CNKSR3: variants seen among roughly 807,000 people sequenced by gnomAD.
CNKSR3 encodes the protein CNKSR family member 3, also known as connector enhancer of kinase suppressor of ras 3.
In CNKSR3, 36 loss-of-function variants were observed where a neutral mutation model predicts 67.7. The ratio of observed to expected loss-of-function variants is 0.53; its 90% CI spans 0.41 to 0.70. The LOEUF is 0.70. Ranked by LOEUF, CNKSR3 falls within the 30% of genes least tolerant of loss-of-function variation. The probability of loss-of-function intolerance (pLI) is 0.00; values close to 1 mark genes in which losing one functional copy is unlikely to be tolerated. For synonymous variants in CNKSR3, 281 were observed against 271.4 expected, an observed-to-expected ratio of 1.04 and a Z score of -0.35; for missense variants, 630 against 695.2, an observed-to-expected ratio of 0.91 and a Z score of 1.05.
rs557572027 is a variant in CNKSR3, at chr6:154,453,249, T to G, written c.53-2991A>C. 8.5e-5 allele frequency among the ~76,000 whole-genome samples: 13 copies of G among 152,350 alleles called. No homozygotes were observed. The South Asian group carries it at 2.1e-3, about 24-fold the overall frequency. On this transcript the variant is annotated intron_variant, in intron 1 of 12. Coordinates refer to ENST00000607772, the MANE Select transcript of CNKSR3 (RefSeq NM_173515.4). ...TAAAGATGAGGCCAGATCATTTCTC[T>G]TTTAACGAACCGAAAAATTCACAGA...
chr6:154,438,885 G>A (rs1022836647), intron 4 of CNKSR3, among the ~76,000 whole-genome samples: 16 of 152,176 alleles, frequency 1.1e-4, no homozygotes, highest in African/African-American at 3.6e-4. Context: ...CTGGGCAGGC[G>A]CAATGAAGAC....
chr6:154,439,841 C>T (rs6910758), intron 4 of CNKSR3, among the ~76,000 whole-genome samples: 48,826 of 151,986 alleles, frequency 0.32, 9,094 homozygotes, highest in Non-Finnish European at 0.44. Flanking sequence ...CAGTGAGCCA[C>T]GATTACACCC....
intron 4 of CNKSR3, among the ~76,000 whole-genome samples, chr6:154,435,101 T>G (rs1178802529): frequency 6.6e-6 from 1 of 151,278 alleles, no homozygotes; most frequent in African/African-American, 2.4e-5. Flanking sequence ...GCTCAAGTGA[T>G]CCTCCCGCCT....
intron 1 of CNKSR3, among the ~76,000 whole-genome samples, chr6:154,477,709 T>C (rs1444744026): frequency 3.3e-5 from 5 of 152,158 alleles, no homozygotes; most frequent in Non-Finnish European, 4.4e-5. Context: ...CCAGCAAAGC[T>C]TGGGCCCACC....
At chr6:154,502,170 G>A (rs1787010948) in intron 1 of CNKSR3, among the ~76,000 whole-genome samples, 1 of 151,194 alleles carries the variant, frequency 6.6e-6, no homozygotes, top group South Asian at 2.1e-4. Context: ...CATACGTTAT[G>A]CAAAGGGCTT....
At chr6:154,454,822 G>GA (rs1057401502) in intron 1 of CNKSR3, among the ~76,000 whole-genome samples, 48 of 147,812 alleles carry the variant, frequency 3.2e-4, no homozygotes, top group Non-Finnish European at 4.2e-4. Context: ...ATACCTGGCA[G>GA]AAAAAAAAAA....
intron 1 of CNKSR3, among the ~76,000 whole-genome samples, chr6:154,490,872 G>A (rs989310055): frequency 2.6e-5 from 4 of 151,666 alleles, no homozygotes; most frequent in East Asian, 1.9e-4. Context: ...TTGAGATGGA[G>A]TTTTGCTCTT....
At position 154,390,130 on chromosome 6, in the gene CNKSR3, A is replaced by C. The variant is rs1028784165; in HGVS notation, c.*16224T>G. 3 of 152,124 alleles carry C rather than the reference A, an allele frequency of 2.0e-5. No individual in the cohort carries two copies. Among genetic ancestry groups the C allele is most frequent in the Non-Finnish European group, 4.4e-5 (3 of 68,030 alleles). 9.4% of individuals were successfully genotyped at this position (152,124 alleles called of 1,614,324 possible). A position where few individuals can be genotyped will look rare whatever the true frequency, so the allele number is the denominator to read the frequency against. On this transcript the variant is annotated 3_prime_UTR_variant, in exon 13 of 13. Transcript: ENST00000607772. Reference sequence around the variant, plus strand: ...CCCATTATCCTAACCAAGAACTAGAATATTACTCATCAGTCACAAATCTTG... The same window carrying C: ...CCCATTATCCTAACCAAGAACTAGACTATTACTCATCAGTCACAAATCTTG...
chr6:154,428,034 C>T (rs919386210), intron 7 of CNKSR3, 94 bp downstream of exon 7: 2 of 798,580 alleles, frequency 2.5e-6, no homozygotes, highest in African/African-American at 3.4e-5. Context: ...AATAATCAAA[C>T]AGCATGCACA....
chr6:154,426,515 C>A (rs1785259623), intron 7 of CNKSR3, among the ~76,000 whole-genome samples: 1 of 151,884 alleles, frequency 6.6e-6, no homozygotes, highest in South Asian at 2.1e-4. Context: ...GCCACCACGC[C>A]CAGTTAATAT....
intron 9 of CNKSR3, among the ~76,000 whole-genome samples, chr6:154,421,514 C>T (rs1486777060): frequency 6.6e-6 from 1 of 152,152 alleles, no homozygotes; most frequent in Non-Finnish European, 1.5e-5. Flanking sequence ...TTCATTCTTG[C>T]TTTATGAAAT....
Position 154,510,045 on chromosome 6 carries a change from C to G in CNKSR3, c.52+18G>C. On this transcript the variant is annotated intron_variant, in intron 1 of 12. Coordinates refer to ENST00000607772, the MANE Select transcript of CNKSR3 (RefSeq NM_173515.4). ...CCCCGAGGCTGGAGGACTCCGGACC[C>G]CCCCAAGGCCCGCGCACCTCTAGTC... 1 of 1,613,960 alleles carries G rather than the reference C, an allele frequency of 6.2e-7. No individual in the cohort carries two copies. Among genetic ancestry groups the G allele is most frequent in the Non-Finnish European group, 8.5e-7 (1 of 1,179,902 alleles).
chr6:154,463,637 A>G (rs1786131296), intron 1 of CNKSR3, among the ~76,000 whole-genome samples: 1 of 152,136 alleles, frequency 6.6e-6, no homozygotes, highest in Admixed American at 6.5e-5. Flanking sequence ...AGTTTTCACT[A>G]CACTCTAGGG....
intron 9 of CNKSR3, among the ~76,000 whole-genome samples, chr6:154,418,079 C>T (rs1327666559): frequency 1.3e-5 from 2 of 152,142 alleles, no homozygotes; most frequent in Admixed American, 6.5e-5. Context: ...GCCACTACCA[C>T]CCCCCGCTGC....
chr6:154,444,848 G>A (rs775699114), intron 2 of CNKSR3, among the ~76,000 whole-genome samples: 29 of 151,882 alleles, frequency 1.9e-4, no homozygotes, highest in Non-Finnish European at 4.4e-5. Flanking sequence ...CTCATGATCC[G>A]CCCACCTTGG....
At chr6:154,450,372 C>T in intron 1 of CNKSR3, 114 bp from the exon 2 acceptor site, 1 of 1,108,648 alleles carries the variant, frequency 9.0e-7, no homozygotes, top group Middle Eastern at 2.0e-4. Flanking sequence ...ATGCCACTAT[C>T]TGGTTATCTA....
intron 2 of CNKSR3, among the ~76,000 whole-genome samples, chr6:154,443,979 C>T (rs1319210747): frequency 6.6e-6 from 1 of 152,184 alleles, no homozygotes; most frequent in African/African-American, 2.4e-5. Flanking sequence ...CTGTCCTAGA[C>T]TCCTTTTCAG....
chr6:154,450,345 A>C, intron 1 of CNKSR3, 87 bp from the exon 2 acceptor site: 15 of 1,321,318 alleles, frequency 1.1e-5, no homozygotes, highest in African/African-American at 1.4e-5. Context: ...CATCAATCTC[A>C]GCAATCAACA....
In CNKSR3 at chr6:154,425,404, A is replaced by G. The variant is rs546043482; in HGVS notation, c.730-2421T>C. ...GATTAAGAGTTGTGTTTGGCAGAACACTGGTAAAGAGAGAGCTTGGTACCA... is the reference window on the plus strand; with the variant it reads ...GATTAAGAGTTGTGTTTGGCAGAACGCTGGTAAAGAGAGAGCTTGGTACCA... On this transcript the variant is annotated intron_variant, in intron 7 of 12. Coordinates refer to ENST00000607772, the MANE Select transcript of CNKSR3 (RefSeq NM_173515.4). 7.2e-5 allele frequency among the ~76,000 whole-genome samples: 11 copies of G among 152,368 alleles called. No individual in the cohort carries two copies. In the East Asian group the frequency reaches 1.9e-3, roughly 27 times the overall value.
Sources: allele counts gnomAD v4.1 joint callset (sites outside exome capture counted in the v4.1 genomes callset), GRCh38; gene constraint gnomAD v4.1.1; transcripts MANE v1.5; gene names NCBI Gene and HGNC (gene_info 2026-07-23, HGNC 2026-07-21).